The following SRP54 variants were observed in gnomAD, a reference collection of about 807,000 sequenced individuals.
SRP54 encodes the protein signal recognition particle 54.
Under a neutral mutation model 64.8 loss-of-function variants are expected in SRP54, and 10 were observed. That is an observed-to-expected ratio of 0.15 (90% CI 0.10 to 0.26). SRP54 has a LOEUF of 0.26. Ranked by LOEUF, SRP54 falls within the 10% of genes least tolerant of loss-of-function variation. The pLI, the probability that SRP54 is intolerant of heterozygous loss-of-function variation, is 1.00. For missense variants in SRP54, 325 were observed against 613.7 expected (o/e 0.53, Z 4.97); for synonymous variants, 193 against 185.6 (o/e 1.04, Z -0.32).
intron 9 of SRP54, 27 bp downstream of exon 9, chr14:35,013,521 C>T (rs2044388157): frequency 6.2e-7 from 1 of 1,608,766 alleles, no homozygotes; most frequent in South Asian, 1.1e-5. Context: ...CTGTTGTCCT[C>T]TGTCTTGGGA....
intron 9 of SRP54, 119 bp downstream of exon 9, chr14:35,013,613 TAAAG>T: frequency 7.8e-7 from 1 of 1,276,882 alleles, no homozygotes; most frequent in Non-Finnish European, 1.1e-6. Context: ...ATATGGTTTA[TAAAG>T]AAAGTTTAAA....
chr14:35,023,183 T>A, intron 14 of SRP54, 103 bp downstream of exon 14: 1 of 872,100 alleles, frequency 1.1e-6, no homozygotes, highest in Non-Finnish European at 1.7e-6. Context: ...AATTTCATGT[T>A]ATTTTCAAGT....
At chr14:34,983,805 A>T (rs972203616) in intron 1 of SRP54, among the ~76,000 whole-genome samples, 1 of 152,236 alleles carries the variant, frequency 6.6e-6, no homozygotes, top group African/African-American at 2.4e-5. Context: ...TACAGAAATG[A>T]ATAACACTAA....
chr14:34,991,153 G>A (rs2043971260), intron 1 of SRP54, among the ~76,000 whole-genome samples: 1 of 137,528 alleles, frequency 7.3e-6, no homozygotes, highest in Non-Finnish European at 1.6e-5. Context: ...TTGTTGAGAT[G>A]GAGTTTTGCT....
intron 1 of SRP54, among the ~76,000 whole-genome samples, chr14:34,986,711 C>T (rs964062300): frequency 1.3e-5 from 2 of 151,976 alleles, no homozygotes; most frequent in African/African-American, 2.4e-5. Flanking sequence ...AAACCCATCT[C>T]TACTACAAAT....
intron 11 of SRP54, among the ~76,000 whole-genome samples, chr14:35,015,903 T>A (rs971414845): frequency 2.0e-5 from 3 of 152,214 alleles, no homozygotes; most frequent in Non-Finnish European, 4.4e-5. Context: ...TTCTTGGATG[T>A]TTCATAGACA....
intron 7 of SRP54, 44 bp downstream of exon 7, chr14:35,008,875 G>A (rs1210018692): frequency 1.1e-6 from 1 of 950,102 alleles, no homozygotes; most frequent in South Asian, 1.6e-5. Flanking sequence ...CCCTCTTCTT[G>A]TCTGTCAGCT....
chr14:34,995,706 T>C (rs1048755098), intron 1 of SRP54, among the ~76,000 whole-genome samples: 2 of 152,216 alleles, frequency 1.3e-5, no homozygotes, highest in African/African-American at 2.4e-5. Flanking sequence ...CTGTTGCATG[T>C]GACTATTTTT....
chr14:34,985,344 T>C (rs977909062), intron 1 of SRP54, among the ~76,000 whole-genome samples: 7 of 152,242 alleles, frequency 4.6e-5, no homozygotes, highest in Admixed American at 3.3e-4. Flanking sequence ...TCAAACCACC[T>C]TCCCTTTTTG....
In SRP54 at chr14:35,019,037, G is replaced by T. The variant is rs1162883929; in HGVS notation, c.1119G>T (p.Lys373Asn). ...AACAGGAGTCAATGGCAAGGCTAAA[G>T]AAATTAATGACAATAATGGATAGTA... ...GNEQESMARL[K>N]KLMTIMDSMN... The change falls in exon 13 of 16, where the codon AAG (lysine) becomes AAT (asparagine). Residue 373 changes from lysine to asparagine, a missense_variant. Lys to Asn is a moderately conservative substitution (Grantham distance 94). Around this residue, in one of 3 missense-constraint regions of SRP54, gnomAD observed 146 missense variants for 337.4 expected, o/e 0.43. Coordinates refer to ENST00000216774, the MANE Select transcript of SRP54 (RefSeq NM_003136.4). The T allele has an allele frequency of 1.2e-6, 2 of 1,613,736 alleles. No homozygotes were observed. Among genetic ancestry groups the T allele is most frequent in the Non-Finnish European group, 1.7e-6 (2 of 1,179,808 alleles).
chr14:35,011,145 A>G (rs2044351173), intron 7 of SRP54, among the ~76,000 whole-genome samples: 1 of 152,192 alleles, frequency 6.6e-6, no homozygotes, highest in Non-Finnish European at 1.5e-5. Flanking sequence ...GCTTGTTACA[A>G]GAATATCTAC....
At chr14:35,009,972 A>G (rs941721570) in intron 7 of SRP54, among the ~76,000 whole-genome samples, 11 of 151,926 alleles carry the variant, frequency 7.2e-5, no homozygotes, top group African/African-American at 2.7e-4. Context: ...ACACAGTGAA[A>G]CCCTGTCTCT....
chr14:35,012,655 C>T (rs1403694653), intron 8 of SRP54, among the ~76,000 whole-genome samples: 1 of 152,098 alleles, frequency 6.6e-6, no homozygotes, highest in South Asian at 2.1e-4. Flanking sequence ...CCTCTTTATT[C>T]AGGCCTCAGC....
intron 4 of SRP54, among the ~76,000 whole-genome samples, chr14:35,004,334 G>T (rs572934433): frequency 6.6e-6 from 1 of 152,250 alleles, no homozygotes; most frequent in East Asian, 1.9e-4. Context: ...TCTGATGAGG[G>T]TCAGTATTGA....
intron 14 of SRP54, among the ~76,000 whole-genome samples, chr14:35,025,080 T>C (rs983157459): frequency 6.6e-6 from 1 of 152,170 alleles, no homozygotes; most frequent in Admixed American, 6.6e-5. Flanking sequence ...TAATCTCAAT[T>C]GAATTTATTT....
At chr14:35,012,349 A>G (rs565968055) in intron 8 of SRP54, among the ~76,000 whole-genome samples, 42 of 152,160 alleles carry the variant, frequency 2.8e-4, no homozygotes, top group Non-Finnish European at 5.9e-4. Flanking sequence ...TGTCTCTTTA[A>G]AAGTGTGATG....
intron 8 of SRP54, 106 bp from the exon 9 acceptor site, chr14:35,013,240 C>CCG: frequency 9.4e-7 from 1 of 1,065,406 alleles, no homozygotes; most frequent in South Asian, 1.4e-5. Context: ...CAGGCATGAG[C>CCG]CACTGCACCT....
chr14:34,992,985 G>A (rs949222886), intron 1 of SRP54, among the ~76,000 whole-genome samples: 4 of 151,862 alleles, frequency 2.6e-5, no homozygotes, highest in African/African-American at 7.3e-5. Context: ...TCACACTCCT[G>A]AGTAGCTGGG....
intron 11 of SRP54, among the ~76,000 whole-genome samples, chr14:35,016,969 C>G (rs28392933): frequency 0.016 from 2,393 of 152,026 alleles, 51 homozygotes; most frequent in African/African-American, 0.053. Context: ...GTTCTCCTGC[C>G]TCAGCCTCCC....
Sources: gnomAD v4.1 joint callset for allele counts (sites outside exome capture counted in the v4.1 genomes callset) on GRCh38, gnomAD v4.1.1 for gene constraint, gnomAD v4.1.1 regional missense constraint, MANE v1.5 for transcripts, NCBI Gene and HGNC (gene_info 2026-07-23, HGNC 2026-07-21) for gene names.